RABGAP1L: variants seen among roughly 807,000 people sequenced by gnomAD.
RABGAP1L encodes RAB GTPase activating protein 1 like, also known as rab GTPase-activating protein 1-like.
RABGAP1L carries 63 observed loss-of-function variants against 137.7 expected under a neutral mutation model. The observed-to-expected ratio is 0.46, with a 90% confidence interval of 0.37 to 0.56. RABGAP1L has a LOEUF of 0.56. Among genes scored for constraint, RABGAP1L ranks in the 20% least tolerant of loss-of-function variants. The pLI, the probability that RABGAP1L is intolerant of heterozygous loss-of-function variation, is 0.00. For missense variants in RABGAP1L, 1,095 were observed against 1,244.0 expected (o/e 0.88, Z 1.80); for synonymous variants, 431 against 433.7 (o/e 0.99, Z 0.08).
intron 13 of RABGAP1L, among the ~76,000 whole-genome samples, chr1:174,535,456 C>T (rs748259339): frequency 2.2e-4 from 33 of 152,038 alleles, no homozygotes; most frequent in Non-Finnish European, 5.9e-5. Flanking sequence ...GAGTGATTTG[C>T]CAGGGGAAGT....
intron 13 of RABGAP1L, among the ~76,000 whole-genome samples, chr1:174,606,381 C>CA (rs1670795587): frequency 2.0e-5 from 3 of 152,192 alleles, no homozygotes; most frequent in African/African-American, 7.2e-5. Context: ...TACTCCTTCA[C>CA]ATCATTATTT....
chr1:174,312,680 C>T lies in RABGAP1L; in HGVS notation c.1465+7553C>T, dbSNP rs140194980. Among the ~76,000 whole-genome samples the T allele has an allele frequency of 1.2e-3, 190 of 152,198 alleles. 1 individual carries two copies. Among genetic ancestry groups the T allele is most frequent in the African/African-American group, 4.5e-3 (186 of 41,520 alleles). ...ATTACCCATGAAATTTTTGCCTAGA[C>T]CAATGTCCTGGAGATTTTCCCCAGT... is the stretch of plus-strand genomic sequence containing the variant. On this transcript the variant is annotated intron_variant, in intron 11 of 25. Transcript: ENST00000681986.
intron 1 of RABGAP1L, among the ~76,000 whole-genome samples, chr1:174,194,040 TC>T (rs1446643608): frequency 1.3e-5 from 2 of 152,068 alleles, no homozygotes. Context: ...ATTAAACTGA[TC>T]CATGTAGAAG....
In RABGAP1L at chr1:174,653,809, A is replaced by G. The variant is rs548807444; in HGVS notation, c.1824+16321A>G. On this transcript the variant is annotated intron_variant, in intron 14 of 25. Coordinates refer to ENST00000681986, the MANE Select transcript of RABGAP1L (RefSeq NM_001366446.1). ...TGTTCAGTGTTTGAGGGAAGAAGCT[A>G]TCTCATATTTTCTTTGTCCTAGAGA... Among the ~76,000 whole-genome samples the G allele has an allele frequency of 2.6e-5, 4 of 152,376 alleles. No individual in the cohort carries two copies. In the East Asian group the frequency reaches 5.8e-4, roughly 22 times the overall value.
intron 18 of RABGAP1L, chr1:174,799,864 C>T (rs1688571627): frequency 1.0e-6 from 1 of 988,200 alleles, no homozygotes; most frequent in South Asian, 4.6e-5. Flanking sequence ...TTCACAACTG[C>T]CCTGGCTTCC....
chr1:174,946,932 ATATATATATGTGTGTG>A (rs1471699540), intron 19 of RABGAP1L, among the ~76,000 whole-genome samples: 3 of 71,800 alleles, frequency 4.2e-5, no homozygotes, highest in Admixed American at 1.4e-4. Flanking sequence ...ATATATATAT[ATATATATATGTGTGTG>A]TGTGTGTGTG....
chr1:174,569,588 ACT>A (rs2148044942), intron 13 of RABGAP1L, among the ~76,000 whole-genome samples: 1 of 152,196 alleles, frequency 6.6e-6, no homozygotes, highest in East Asian at 1.9e-4. Flanking sequence ...ATCAGAGGGC[ACT>A]CTCATCCACA....
chr1:174,464,841 G>T (rs181511453), intron 13 of RABGAP1L, among the ~76,000 whole-genome samples: 1 of 151,454 alleles, frequency 6.6e-6, no homozygotes, highest in East Asian at 1.9e-4. Flanking sequence ...TATTCTCTAT[G>T]TGCTTTGAAT....
In RABGAP1L at chr1:174,909,061, C is replaced by T. The variant is rs1330813974; in HGVS notation, c.2341-48396C>T. Among the ~76,000 whole-genome samples, 17 of 151,336 alleles carry T rather than the reference C, an allele frequency of 1.1e-4. No individual in the cohort carries two copies. In the East Asian group the frequency reaches 3.2e-3, roughly 28 times the overall value. On this transcript the variant is annotated intron_variant, in intron 19 of 25. Coordinates refer to ENST00000681986, the MANE Select transcript of RABGAP1L (RefSeq NM_001366446.1). ...AGGTATGGTGGTATGCGCCTGTAGTCCCAGCTAATTGGGAGGCTGAGGCAG... is the reference window on the plus strand; with the variant it reads ...AGGTATGGTGGTATGCGCCTGTAGTTCCAGCTAATTGGGAGGCTGAGGCAG...
chr1:174,696,741 G>A (rs1490671101), intron 15 of RABGAP1L, among the ~76,000 whole-genome samples: 2 of 152,174 alleles, frequency 1.3e-5, no homozygotes, highest in East Asian at 3.8e-4. Context: ...AGTGCTGGGG[G>A]GATAGGATAG....
chr1:174,449,360 G>A (rs1430431670), intron 13 of RABGAP1L, among the ~76,000 whole-genome samples: 1 of 152,022 alleles, frequency 6.6e-6, no homozygotes, highest in Non-Finnish European at 1.5e-5. Context: ...TTTCATGGAA[G>A]AAACTAAAGG....
At chr1:174,986,982 G>T (rs1270738436) in intron 24 of RABGAP1L, among the ~76,000 whole-genome samples, 1 of 152,108 alleles carries the variant, frequency 6.6e-6, no homozygotes, top group African/African-American at 2.4e-5. Context: ...TGCCTATACT[G>T]GGCTAATTAT....
chr1:174,305,641 C>T (rs1678146429), intron 11 of RABGAP1L, among the ~76,000 whole-genome samples: 1 of 152,138 alleles, frequency 6.6e-6, no homozygotes, highest in Non-Finnish European at 1.5e-5. Context: ...CCGCCTCAGC[C>T]TACCAAAGTG....
chr1:174,729,571 C>G (rs868662068), intron 17 of RABGAP1L, among the ~76,000 whole-genome samples: 38 of 152,180 alleles, frequency 2.5e-4, no homozygotes, highest in African/African-American at 8.7e-4. Flanking sequence ...AAGCATGCAT[C>G]TGACAAAAGT....
chr1:174,448,979 T>C lies in RABGAP1L; in HGVS notation c.1710+54834T>C. 1 of 1,613,528 alleles carries C rather than the reference T, an allele frequency of 6.2e-7. No homozygotes were observed. Among genetic ancestry groups the C allele is most frequent in the Non-Finnish European group, 8.5e-7 (1 of 1,179,438 alleles). On this transcript the variant is annotated intron_variant, in intron 13 of 25. Coordinates refer to ENST00000681986, the MANE Select transcript of RABGAP1L (RefSeq NM_001366446.1). This position sits in a 1 kb window ranked among gnomAD's most constrained non-coding sequence, Gnocchi z 4.2. ...TATAATTTACTTTCTTCTAGAAAGC[T>C]CCCGGGTCTTGGACAATCCAACTCT...
In RABGAP1L at chr1:174,195,574, A is replaced by ATTCTTTCT. The variant is rs201213056; in HGVS notation, c.-33-23513_-33-23506dup. Among the ~76,000 whole-genome samples, 605 of 74,232 alleles carry ATTCTTTCT rather than the reference A, an allele frequency of 8.2e-3. 17 individuals are homozygous for ATTCTTTCT. Among genetic ancestry groups the ATTCTTTCT allele is most frequent in the Middle Eastern group, 0.014 (2 of 142 alleles). 48.7% of individuals were successfully genotyped at this position (74,232 alleles called of 152,430 possible). A position where few individuals can be genotyped will look rare whatever the true frequency, so the allele number is the denominator to read the frequency against. ...TAACTTTGGGTAGGGTTCTTAATCAATTCTTTCTTTCTTTCTTTCTTTCTT... is the reference window on the plus strand; with the variant it reads ...TAACTTTGGGTAGGGTTCTTAATCAATTCTTTCTTTCTTTCTTTCTTTCTTTCTTTCTT... On this transcript the variant is annotated intron_variant, in intron 1 of 25. Transcript: ENST00000681986.
At chr1:174,908,998 C>G (rs1573777275) in intron 19 of RABGAP1L, among the ~76,000 whole-genome samples, 5 of 96,776 alleles carry the variant, frequency 5.2e-5, no homozygotes, top group African/African-American at 2.0e-4. Flanking sequence ...ATGGTGAAAC[C>G]CCATCTCTAC....
chr1:174,863,691 A>G (rs1163194611), intron 19 of RABGAP1L, among the ~76,000 whole-genome samples: 1 of 142,822 alleles, frequency 7.0e-6, no homozygotes, highest in Non-Finnish European at 1.5e-5. Context: ...AAAAAAAGGA[A>G]TGTTTTCTGG....
At chr1:174,220,789 CTAATT>C in intron 2 of RABGAP1L, 178 bp from the exon 3 acceptor site, 1 of 427,190 alleles carries the variant, frequency 2.3e-6, no homozygotes, top group Non-Finnish European at 3.9e-6. Context: ...TAATCTTCCT[CTAATT>C]TAGTTTTATA....
Sources: allele counts gnomAD v4.1 joint callset (sites outside exome capture counted in the v4.1 genomes callset), GRCh38; gene constraint gnomAD v4.1.1; non-coding constraint Gnocchi (gnomAD v3.1); transcripts MANE v1.5; gene names NCBI Gene and HGNC (gene_info 2026-07-23, HGNC 2026-07-21).